The following TEAD4 variants were observed in gnomAD, a reference collection of about 807,000 sequenced individuals.
TEAD4 encodes the protein TEA domain transcription factor 4.
A neutral mutation model predicts 52.4 loss-of-function variants in TEAD4; 36 were observed. The ratio of observed to expected loss-of-function variants is 0.69; its 90% confidence interval spans 0.53 to 0.91. The LOEUF (loss-of-function observed/expected upper bound fraction) is 0.91. Among genes scored for constraint, TEAD4 ranks in the 40% least tolerant of loss-of-function variants. The pLI, the probability that TEAD4 is intolerant of heterozygous loss-of-function variation, is 0.00. For synonymous variants in TEAD4, 220 were observed against 231.0 expected, an observed-to-expected ratio of 0.95 and a Z score of 0.43; for missense variants, 508 against 583.9, an observed-to-expected ratio of 0.87 and a Z score of 1.34.
chr12:2,985,665 C>G (rs1382866990), intron 2 of TEAD4, among the ~76,000 whole-genome samples: 1 of 151,554 alleles, frequency 6.6e-6, no homozygotes, highest in African/African-American at 2.4e-5. Context: ...ACCATCATGC[C>G]TGGCTAATTT....
chr12:2,972,311 G>A (rs763798246), intron 2 of TEAD4, among the ~76,000 whole-genome samples: 26 of 151,598 alleles, frequency 1.7e-4, no homozygotes, highest in Admixed American at 5.9e-4. Flanking sequence ...CAAACTCCTG[G>A]GCTCAAGCCA....
intron 2 of TEAD4, among the ~76,000 whole-genome samples, chr12:2,989,844 C>T (rs1565531767): frequency 6.6e-6 from 1 of 152,188 alleles, no homozygotes; most frequent in Non-Finnish European, 1.5e-5. Context: ...AGTGTCCCTA[C>T]GTTATGTGTT....
At chr12:3,039,239 G>A (rs992809563) in intron 11 of TEAD4, among the ~76,000 whole-genome samples, 2 of 152,142 alleles carry the variant, frequency 1.3e-5, no homozygotes, top group African/African-American at 4.8e-5. Flanking sequence ...AGGCATTAGT[G>A]GTTTTTAAAA....
At chr12:3,007,061 TAGACCC>T (rs1237081382) in intron 3 of TEAD4, among the ~76,000 whole-genome samples, 26 of 152,220 alleles carry the variant, frequency 1.7e-4, no homozygotes, top group African/African-American at 6.0e-4. Context: ...GAGCTTGCCT[TAGACCC>T]CTTGGTGTGG....
chr12:2,988,081 C>T (rs1332890516), intron 2 of TEAD4, among the ~76,000 whole-genome samples: 1 of 151,288 alleles, frequency 6.6e-6, no homozygotes, highest in Non-Finnish European at 1.5e-5. Flanking sequence ...AAAACAAAAA[C>T]AAAATAAAAT....
intron 3 of TEAD4, among the ~76,000 whole-genome samples, chr12:2,996,995 C>A (rs1376493323): frequency 6.6e-6 from 1 of 152,158 alleles, no homozygotes; most frequent in Non-Finnish European, 1.5e-5. Context: ...TCCCAAATAA[C>A]AGTGGCTTAC....
chr12:2,962,086 TCCC>T lies in TEAD4; in HGVS notation c.-30+2049_-30+2051del, dbSNP rs1055079283. 1.1e-4 allele frequency among the ~76,000 whole-genome samples: 17 copies of T among 151,430 alleles called. 1 individual carries two copies. The highest frequency in any genetic ancestry group is 1.5e-4 in the Non-Finnish European group (10 of 67,930). The stretch of plus-strand genomic sequence containing the variant: ...AGATACCCTAATGTCAGCATCTAAG[TCCC>T]CCATTTTATTTTATTTTACTTTATT... On this transcript the variant is annotated intron_variant, in intron 2 of 12. Coordinates refer to ENST00000359864, the MANE Select transcript of TEAD4 (RefSeq NM_003213.4).
chr12:3,016,539 A>C (rs1260195143), intron 5 of TEAD4, among the ~76,000 whole-genome samples: 1 of 151,036 alleles, frequency 6.6e-6, no homozygotes, highest in East Asian at 2.0e-4. Context: ...CAGGAGTTTG[A>C]GGCTGTAGTG....
intron 3 of TEAD4, among the ~76,000 whole-genome samples, chr12:3,010,744 G>A (rs1048190065): frequency 6.6e-6 from 1 of 152,172 alleles, no homozygotes; most frequent in Non-Finnish European, 1.5e-5. Flanking sequence ...AGTTCCTCAG[G>A]CTGTGCGTGG....
Position 2,962,301 on chromosome 12 carries a change from A to AATATAAATATAT in TEAD4, c.-30+2263_-30+2274dup, listed in dbSNP as rs1555118305. 2.8e-3 allele frequency among the ~76,000 whole-genome samples: 84 copies of AATATAAATATAT among 29,572 alleles called. 1 individual carries two copies. Among genetic ancestry groups the AATATAAATATAT allele is most frequent in the Non-Finnish European group, 7.5e-3 (64 of 8,524 alleles). 19.4% of individuals were successfully genotyped at this position (29,572 alleles called of 152,430 possible). On this transcript the variant is annotated intron_variant, in intron 2 of 12. Coordinates refer to ENST00000359864, the MANE Select transcript of TEAD4 (RefSeq NM_003213.4). ...TTATATATATTTATTTATATATATA[A>AATATAAATATAT]ATATAAATATATAAATATATATATA...
intron 10 of TEAD4, among the ~76,000 whole-genome samples, chr12:3,025,244 A>G (rs998189684): frequency 2.0e-5 from 3 of 152,106 alleles, no homozygotes; most frequent in Non-Finnish European, 2.9e-5. Context: ...GCCCGGCCTG[A>G]GCATGTTATT....
At chr12:2,986,011 G>T (rs571736275) in intron 2 of TEAD4, among the ~76,000 whole-genome samples, 1 of 151,998 alleles carries the variant, frequency 6.6e-6, no homozygotes, top group South Asian at 2.1e-4. Flanking sequence ...GCTTGAACCC[G>T]GGAGGCAGAG....
chr12:3,021,074 T>C (rs2098268389), intron 9 of TEAD4, among the ~76,000 whole-genome samples: 1 of 151,992 alleles, frequency 6.6e-6, no homozygotes, highest in African/African-American at 2.4e-5. Context: ...CCAAGGTTGC[T>C]CTGGTCCCAG....
chr12:2,977,285 CGT>C (rs958220759), intron 2 of TEAD4, among the ~76,000 whole-genome samples: 5 of 152,078 alleles, frequency 3.3e-5, no homozygotes, highest in African/African-American at 1.2e-4. Flanking sequence ...CTGCCCCAGG[CGT>C]CTCTCTCTCT....
At chr12:3,027,555 A>T (rs555414765) in intron 10 of TEAD4, among the ~76,000 whole-genome samples, 1 of 152,246 alleles carries the variant, frequency 6.6e-6, no homozygotes, top group South Asian at 2.1e-4. Flanking sequence ...CATGACAAAA[A>T]CCTGTCTCCA....
chr12:2,959,486 G>C lies in TEAD4; in HGVS notation c.-123+5G>C, dbSNP rs1321507835. 1.4e-5 allele frequency: 2 copies of C among 146,654 alleles called. No homozygotes were observed. The highest frequency in any genetic ancestry group is 4.9e-5 in the African/African-American group (2 of 40,688). 9.1% of individuals were successfully genotyped at this position (146,654 alleles called of 1,614,324 possible). A position where few individuals can be genotyped will look rare whatever the true frequency, so the allele number is the denominator to read the frequency against. On this transcript the variant is annotated splice_donor_5th_base_variant and intron_variant, in intron 1 of 12. Transcript: ENST00000359864. The surrounding 1 kb of genome is among the most constrained non-coding windows in gnomAD (Gnocchi z 5.1). ...GGCGCCGCCGCGTCCCGCCAGGTGA[G>C]AGGCGCCCGCGCCCGCCGCACCCGC...
At chr12:3,009,450 A>G (rs2098258489) in intron 3 of TEAD4, among the ~76,000 whole-genome samples, 1 of 150,782 alleles carries the variant, frequency 6.6e-6, no homozygotes. Context: ...AAAAATAAAA[A>G]TAAAGAAGAA....
At chr12:3,013,682 CA>C (rs1807052557) in intron 5 of TEAD4, among the ~76,000 whole-genome samples, 1 of 152,076 alleles carries the variant, frequency 6.6e-6, no homozygotes, top group Non-Finnish European at 1.5e-5. Flanking sequence ...TGCAGTGAGC[CA>C]AGATAGTGCC....
At position 2,962,632 on chromosome 12, in the gene TEAD4, G is replaced by A. The variant is rs373947979; in HGVS notation, c.-30+2592G>A. Among the ~76,000 whole-genome samples the A allele has an allele frequency of 3.9e-5, 6 of 152,082 alleles. No individual in the cohort carries two copies. In the South Asian group the frequency reaches 1.2e-3, roughly 32 times the overall value. Reference sequence around the variant, plus strand: ...TTATAGGCATGAGCCACCACTCCCAGCCGTTTTTTGTATTTTTAGTAGAGG... The same window carrying A: ...TTATAGGCATGAGCCACCACTCCCAACCGTTTTTTGTATTTTTAGTAGAGG... On this transcript the variant is annotated intron_variant, in intron 2 of 12. Coordinates refer to ENST00000359864, the MANE Select transcript of TEAD4 (RefSeq NM_003213.4).
Sources: allele counts gnomAD v4.1 joint callset (sites outside exome capture counted in the v4.1 genomes callset), GRCh38; gene constraint gnomAD v4.1.1; non-coding constraint Gnocchi (gnomAD v3.1); transcripts MANE v1.5; gene names NCBI Gene and HGNC (gene_info 2026-07-23, HGNC 2026-07-21).